PHF2: variants seen among roughly 807,000 people sequenced by gnomAD.
The protein encoded by PHF2 is lysine-specific demethylase PHF2.
Under a neutral mutation model 120.5 loss-of-function variants are expected in PHF2, and 27 were observed. The observed-to-expected ratio is 0.22, with a 90% CI of 0.17 to 0.31. PHF2 has a LOEUF of 0.31. Among genes scored for constraint, PHF2 ranks in the 10% least tolerant of loss-of-function variants. The probability of loss-of-function intolerance (pLI) is 1.00; values close to 1 mark genes in which losing one functional copy is unlikely to be tolerated. For missense variants in PHF2, 1,024 were observed against 1,434.8 expected (o/e 0.71, Z 4.63); for synonymous variants, 568 against 592.5 (o/e 0.96, Z 0.60).
chr9:93,584,126 C>G (rs1337110651), intron 1 of PHF2, among the ~76,000 whole-genome samples: 2 of 152,222 alleles, frequency 1.3e-5, no homozygotes, highest in African/African-American at 4.8e-5. Context: ...CTGCGCCCAG[C>G]CTAAGTGCTG....
Position 93,660,389 on chromosome 9 carries a change from GAAGCCCCCT to G in PHF2, c.1536_1544del (p.Lys513_Pro515del). On this transcript the variant is annotated inframe_deletion, in exon 12 of 22. Transcript: ENST00000359246. The stretch of plus-strand genomic sequence containing the variant: ...AGCCATCCAAAATCCCCAAGCCCCC[GAAGCCCCCT>G]AAGCCCCCAAGGCCCCCCAAAACGC... 1 of 302,846 alleles carries G rather than the reference GAAGCCCCCT, an allele frequency of 3.3e-6. No homozygotes were observed. The highest frequency in any genetic ancestry group is 1.3e-4 in the East Asian group (1 of 7,666). 18.8% of individuals were successfully genotyped at this position (302,846 alleles called of 1,614,324 possible).
At chr9:93,667,262 C>A (rs747706045) in intron 17 of PHF2, 22 bp downstream of exon 17, 37 of 1,600,478 alleles carry the variant, frequency 2.3e-5, no homozygotes, top group Middle Eastern at 1.7e-4. Flanking sequence ...CACCCGGCAG[C>A]ACCCAAGAGC....
chr9:93,646,447 C>T (rs1368108020), intron 4 of PHF2, among the ~76,000 whole-genome samples: 2 of 152,216 alleles, frequency 1.3e-5, no homozygotes, highest in African/African-American at 4.8e-5. Flanking sequence ...TGCAGGGCTT[C>T]AAGGTGCTCA....
rs1587713303 is a variant in PHF2 at position 93,660,632 on chromosome 9, A to T, written c.1698+72A>T. The T allele has an allele frequency of 5.8e-6, 8 of 1,383,264 alleles. No homozygotes were observed. The East Asian group carries it at 1.9e-4, about 34-fold the overall frequency. The allele number at this position is 1,383,264 out of a possible 1,614,324, so 85.7% of individuals were successfully genotyped here. ...GCAGCATCTCTTGTGGGCCAGTCCC[A>T]TGGAGATAGCTAGGGCCCATTGTCC... On this transcript the variant is annotated intron_variant, in intron 12 of 21. Transcript: ENST00000359246.
intron 1 of PHF2, among the ~76,000 whole-genome samples, chr9:93,619,271 T>C (rs912426181): frequency 7.9e-5 from 12 of 152,254 alleles, no homozygotes; most frequent in African/African-American, 2.4e-4. Flanking sequence ...CCCTTGGGCC[T>C]GTGAGTGGGT....
chr9:93,660,112 T>G (rs1339494034), intron 11 of PHF2, 80 bp from the exon 12 acceptor site: 1 of 1,443,650 alleles, frequency 6.9e-7, no homozygotes. Context: ...ACTGAGTGTC[T>G]CCAGCATCCT....
Position 93,663,024 on chromosome 9 carries a change from A to C in PHF2, c.1816A>C (p.Lys606Gln), listed in dbSNP as rs1469365383. 4 of 1,614,144 alleles carry C rather than the reference A, an allele frequency of 2.5e-6. No individual in the cohort carries two copies. Among genetic ancestry groups the C allele is most frequent in the Non-Finnish European group, 3.4e-6 (4 of 1,179,988 alleles). The change falls in exon 13 of 22, where the codon AAG becomes CAG. Residue 606 changes from lysine (K) to glutamine (Q), a missense_variant and splice_region_variant. This residue lies in a region of PHF2 where 677 missense variants were observed against 857.4 expected (regional missense o/e 0.79). Coordinates refer to ENST00000359246, the MANE Select transcript of PHF2 (RefSeq NM_005392.4). ...KSKSEAKWKY[K>Q]NSKPDSLLKM... Reference sequence around the variant, plus strand: ...CAAGTCAGAGGCCAAGTGGAAGTACAAGGTGAGAAGTGCACATATGCATGC... The same window carrying C: ...CAAGTCAGAGGCCAAGTGGAAGTACCAGGTGAGAAGTGCACATATGCATGC...
intron 1 of PHF2, among the ~76,000 whole-genome samples, chr9:93,608,647 T>C (rs2131624435): frequency 6.6e-6 from 1 of 152,302 alleles, no homozygotes; most frequent in African/African-American, 2.4e-5. Context: ...GATTTCTGTT[T>C]CTTCTTGTGT....
chr9:93,661,989 A>G (rs1010708649), intron 12 of PHF2, among the ~76,000 whole-genome samples: 6 of 151,598 alleles, frequency 4.0e-5, no homozygotes, highest in African/African-American at 1.5e-4. Context: ...AAACAAATGG[A>G]TGGGTGGATA....
chr9:93,602,137 T>C (rs559643109), intron 1 of PHF2, among the ~76,000 whole-genome samples: 1 of 152,120 alleles, frequency 6.6e-6, no homozygotes, highest in Non-Finnish European at 1.5e-5. Flanking sequence ...AGTTCACGAG[T>C]TCTCTGAAGG....
At chr9:93,582,199 G>A (rs1160999543) in intron 1 of PHF2, among the ~76,000 whole-genome samples, 2 of 152,180 alleles carry the variant, frequency 1.3e-5, no homozygotes, top group Admixed American at 1.3e-4. Context: ...ACTCTGAGCT[G>A]CAGCAGGTGG....
intron 1 of PHF2, among the ~76,000 whole-genome samples, chr9:93,608,605 T>C (rs1825584355): frequency 6.6e-6 from 1 of 152,198 alleles, no homozygotes; most frequent in African/African-American, 2.4e-5. Context: ...TTATTAATTA[T>C]TCAATTTCTT....
chr9:93,673,713 C>A lies in PHF2; in HGVS notation c.2477C>A (p.Ala826Asp). 1.2e-6 allele frequency: 2 copies of A among 1,613,302 alleles called. No individual in the cohort carries two copies. Among genetic ancestry groups the A allele is most frequent in the Non-Finnish European group, 1.7e-6 (2 of 1,179,760 alleles). ...GAGQAKGSSL[A>D]AHGARKNGGG... Reference sequence around the variant, plus strand: ...GGCCAGGCCAAGGGGAGCTCGCTGGCTGCCCATGGTGCCCGGAAGAATGGG... The same window carrying A: ...GGCCAGGCCAAGGGGAGCTCGCTGGATGCCCATGGTGCCCGGAAGAATGGG... The change falls in exon 18 of 22, where the codon GCT (alanine) becomes GAT (aspartate). Residue 826 changes from alanine (A) to aspartate (D), a missense_variant. Coordinates refer to ENST00000359246, the MANE Select transcript of PHF2 (RefSeq NM_005392.4).
intron 1 of PHF2, among the ~76,000 whole-genome samples, chr9:93,620,118 G>A (rs1158093142): frequency 2.6e-5 from 4 of 152,200 alleles, no homozygotes; most frequent in African/African-American, 4.8e-5. Context: ...AGATGTGGGT[G>A]GGCTCCCGGG....
chr9:93,672,250 A>G (rs1826812175), intron 17 of PHF2, among the ~76,000 whole-genome samples: 1 of 149,188 alleles, frequency 6.7e-6, no homozygotes. Context: ...ATGTAGGTAC[A>G]GGTGTAGATG....
intron 1 of PHF2, among the ~76,000 whole-genome samples, chr9:93,582,854 T>C (rs1377373945): frequency 6.6e-6 from 1 of 152,218 alleles, no homozygotes; most frequent in Non-Finnish European, 1.5e-5. Flanking sequence ...ATTGAAAATA[T>C]TTAGCTAGAA....
At chr9:93,611,162 T>C (rs1020948651) in intron 1 of PHF2, among the ~76,000 whole-genome samples, 6 of 152,094 alleles carry the variant, frequency 3.9e-5, no homozygotes, top group African/African-American at 1.5e-4. Flanking sequence ...ACGCCTGTAA[T>C]CCCAGCACTT....
At chr9:93,667,746 G>A (rs1826709493) in intron 17 of PHF2, among the ~76,000 whole-genome samples, 1 of 152,168 alleles carries the variant, frequency 6.6e-6, no homozygotes, top group Admixed American at 6.5e-5. Flanking sequence ...GGAAGCAGCA[G>A]AGGCAGGCCC....
chr9:93,610,332 A>G (rs1251292652), intron 1 of PHF2, among the ~76,000 whole-genome samples: 1 of 151,966 alleles, frequency 6.6e-6, no homozygotes, highest in East Asian at 1.9e-4. Context: ...GGAAGTTTCT[A>G]TTGGCATATC....
Sources: gnomAD v4.1 joint callset for allele counts (sites outside exome capture counted in the v4.1 genomes callset) on GRCh38, gnomAD v4.1.1 for gene constraint, gnomAD v4.1.1 regional missense constraint, MANE v1.5 for transcripts, NCBI Gene and HGNC (gene_info 2026-07-23, HGNC 2026-07-21) for gene names.